MFHAS1: variants seen among roughly 807,000 people sequenced by gnomAD.
MFHAS1 encodes malignant fibrous histiocytoma-amplified sequence 1.
MFHAS1 carries 50 observed loss-of-function variants against 70.4 expected under a neutral mutation model. The ratio of observed to expected loss-of-function variants is 0.71; its 90% CI spans 0.57 to 0.90. The LOEUF is 0.90. MFHAS1 is among the 40% of genes least tolerant of loss of function. The pLI, the probability that MFHAS1 is intolerant of heterozygous loss-of-function variation, is 0.00. For missense variants in MFHAS1, 1,795 were observed against 1,347.6 expected, an observed-to-expected ratio of 1.33 and a Z score of -5.20; for synonymous variants, 952 against 620.0, an observed-to-expected ratio of 1.54 and a Z score of -7.96.
At chr8:8,843,185 C>T (rs1350282434) in intron 1 of MFHAS1, among the ~76,000 whole-genome samples, 3 of 151,496 alleles carry the variant, frequency 2.0e-5, no homozygotes, top group Admixed American at 6.6e-5. Flanking sequence ...AGGAGAATGG[C>T]GTGAACCCCG....
rs1304986525 is a variant in MFHAS1, at chr8:8,891,545, G to A, written c.1514C>T (p.Ala505Val). The A allele has an allele frequency of 9.9e-6, 16 of 1,612,994 alleles. No homozygotes were observed. Among genetic ancestry groups the A allele is most frequent in the Middle Eastern group, 1.6e-4 (1 of 6,084 alleles). ...AGGAAAGTGGCGAGGCTCATAGGTG[G>A]CCAAGTTGACCACCAGCACGTATAG... is the stretch of plus-strand genomic sequence containing the variant. ...GALYVLVVNL[A>V]TYEPRHFPTT... Residue 505 changes from alanine to valine, a missense_variant, in exon 1 of 3, where the codon GCC becomes GTC. Transcript: ENST00000276282. This position sits in a 1 kb window ranked among gnomAD's most constrained non-coding sequence, Gnocchi z 5.4.
intron 1 of MFHAS1, among the ~76,000 whole-genome samples, chr8:8,844,981 A>C (rs1317957824): frequency 6.6e-6 from 1 of 152,248 alleles, no homozygotes; most frequent in Non-Finnish European, 1.5e-5. Context: ...CAAAAGAAGA[A>C]GAAGAAGAAA....
At position 8,890,623 on chromosome 8, in the gene MFHAS1, C is replaced by A. The variant is rs763634320; in HGVS notation, c.2436G>T (p.Gln812His). ...VIRLLLKPHV[Q>H]AQQDLQLLLE... is the part of the protein sequence containing the mutation. ...GCAACAGCTGCAAGTCCTGCTGGGC[C>A]TGGACATGAGGCTTAAGCAGCAACC... The change falls in exon 1 of 3, where the codon CAG becomes CAT. Residue 812 changes from glutamine to histidine, a missense_variant. Transcript: ENST00000276282. The A allele has an allele frequency of 1.2e-6, 2 of 1,613,858 alleles. No individual in the cohort carries two copies. Among genetic ancestry groups the A allele is most frequent in the Non-Finnish European group, 1.7e-6 (2 of 1,180,016 alleles).
rs751219624 is a variant in MFHAS1, at chr8:8,797,368, G to C, written c.3122C>G (p.Ser1041Cys). ...PPTPTVISPCSKKNVGEKHRN... is the reference protein window; with the variant it reads ...PPTPTVISPCCKKNVGEKHRN... ...CAGAGGGACTTTGAGAACTCACTTG[G>C]AACAGGGGCTGATCACAGTCGGCGT... The change falls in exon 2 of 3, where the codon TCC becomes TGC. Residue 1041 changes from serine (S) to cysteine (C), a missense_variant. Transcript: ENST00000276282. The C allele has an allele frequency of 2.6e-5, 42 of 1,613,874 alleles. No homozygotes were observed. Among genetic ancestry groups the C allele is most frequent in the Non-Finnish European group, 3.5e-5 (41 of 1,179,950 alleles).
At chr8:8,843,194 C>G (rs939484232) in intron 1 of MFHAS1, among the ~76,000 whole-genome samples, 4 of 150,756 alleles carry the variant, frequency 2.7e-5, no homozygotes, top group African/African-American at 9.8e-5. Context: ...GCGTGAACCC[C>G]GGAAGCGGAG....
Position 8,875,000 on chromosome 8 carries a change from G to A in MFHAS1, c.2998+15061C>T, listed in dbSNP as rs1809235217. Among the ~76,000 whole-genome samples, 3 of 151,440 alleles carry A rather than the reference G, an allele frequency of 2.0e-5. No individual in the cohort carries two copies. In the South Asian group the frequency reaches 6.3e-4, roughly 32 times the overall value. ...ACACAATTAGGCAACATTTATACAA[G>A]AAAACGTTCACATCCACTAGTTAAA... On this transcript the variant is annotated intron_variant, in intron 1 of 2. Transcript: ENST00000276282.
Position 8,890,834 on chromosome 8 carries a change from T to C in MFHAS1, c.2225A>G (p.Gln742Arg), listed in dbSNP as rs139308568. 7 of 1,614,072 alleles carry C rather than the reference T, an allele frequency of 4.3e-6. No individual in the cohort carries two copies. Among genetic ancestry groups the C allele is most frequent in the African/African-American group, 2.7e-5 (2 of 74,930 alleles). The change falls in exon 1 of 3, where the codon CAG becomes CGG. Residue 742 changes from glutamine to arginine, a missense_variant. Physicochemically the swap from Gln to Arg is conservative, Grantham distance 43 (BLOSUM62 1). Coordinates refer to ENST00000276282, the MANE Select transcript of MFHAS1 (RefSeq NM_004225.3). ...RLIDILNVFFQRDPSLLLHKL... is the reference protein window; with the variant it reads ...RLIDILNVFFRRDPSLLLHKL... ...ATGCAGCAGCAAAGAGGGATCCCTC[T>C]GGAAGAAGACATTGAGGATGTCGAT...
intron 1 of MFHAS1, among the ~76,000 whole-genome samples, chr8:8,859,738 C>T (rs1187040072): frequency 2.6e-5 from 4 of 152,120 alleles, no homozygotes; most frequent in African/African-American, 9.7e-5. Flanking sequence ...CTATAATGTA[C>T]AAAATATGTG....
rs1235601270 is a variant in MFHAS1, at chr8:8,893,075, G to T, written c.-17C>A. On this transcript the variant is annotated 5_prime_UTR_variant, in exon 1 of 3. Transcript: ENST00000276282. ...CCCAGCCATGGCGGGGCCCCGGGCC[G>T]ACAGCCTCACGCGGACGCGGGAGCC... The T allele has an allele frequency of 5.5e-6, 8 of 1,465,220 alleles. No homozygotes were observed. In the Admixed American group the frequency reaches 7.8e-5, roughly 14 times the overall value. The allele number at this position is 1,465,220 out of a possible 1,614,324, so 90.8% of individuals were successfully genotyped here.
intron 1 of MFHAS1, among the ~76,000 whole-genome samples, chr8:8,804,080 C>A (rs1443317420): frequency 6.6e-6 from 1 of 152,180 alleles, no homozygotes; most frequent in Non-Finnish European, 1.5e-5. Flanking sequence ...GACTTTGGTA[C>A]CCATGGGGGT....
Position 8,892,161 on chromosome 8 carries a change from C to G in MFHAS1, c.898G>C (p.Glu300Gln), listed in dbSNP as rs1431684467. The G allele has an allele frequency of 3.1e-6, 5 of 1,610,986 alleles. No homozygotes were observed. The highest frequency in any genetic ancestry group is 3.4e-6 in the Non-Finnish European group (4 of 1,179,992). ...AGCTGGTTGCGACTAAGGTAGAGCT[C>G]CTCCAGACCAGCCAGGGGCAGCAGC... The part of the protein sequence containing the change: ...AALLPLAGLE[E>Q]LYLSRNQLTS... Residue 300 changes from glutamate (E) to glutamine (Q), a missense_variant, in exon 1 of 3, where the codon GAG becomes CAG. Glu to Gln is a conservative substitution (Grantham distance 29). Coordinates refer to ENST00000276282, the MANE Select transcript of MFHAS1 (RefSeq NM_004225.3). The surrounding 1 kb of genome is among the most constrained non-coding windows in gnomAD (Gnocchi z 4.7).
chr8:8,879,353 A>G (rs959558550), intron 1 of MFHAS1, among the ~76,000 whole-genome samples: 8 of 151,088 alleles, frequency 5.3e-5, no homozygotes, highest in African/African-American at 1.7e-4. Flanking sequence ...TCCCATCTCA[A>G]AAAAAAAAGG....
chr8:8,786,199 T>A, intron 2 of MFHAS1, 144 bp from the exon 3 acceptor site: 1 of 766,280 alleles, frequency 1.3e-6, no homozygotes, highest in Non-Finnish European at 2.2e-6. Flanking sequence ...TATAAACATG[T>A]AAATGTCAGG....
intron 1 of MFHAS1, among the ~76,000 whole-genome samples, chr8:8,819,955 C>T (rs950293091): frequency 6.6e-6 from 1 of 152,160 alleles, no homozygotes; most frequent in Non-Finnish European, 1.5e-5. Flanking sequence ...GCCTCGGCCT[C>T]CCAAAGTGTT....
chr8:8,877,783 C>G (rs1209137166), intron 1 of MFHAS1, among the ~76,000 whole-genome samples: 1 of 152,208 alleles, frequency 6.6e-6, no homozygotes, highest in African/African-American at 2.4e-5. Context: ...GACAAAGGGA[C>G]AGGCTAGAAC....
At chr8:8,858,541 A>T (rs941859745) in intron 1 of MFHAS1, among the ~76,000 whole-genome samples, 3 of 152,184 alleles carry the variant, frequency 2.0e-5, no homozygotes, top group Non-Finnish European at 4.4e-5. Flanking sequence ...CAATGCTATA[A>T]TTACAACTAT....
At chr8:8,845,147 G>A (rs977138626) in intron 1 of MFHAS1, among the ~76,000 whole-genome samples, 3 of 152,138 alleles carry the variant, frequency 2.0e-5, no homozygotes, top group African/African-American at 7.2e-5. Context: ...TATGCAAAGA[G>A]GATAAAATCA....
At chr8:8,873,729 G>A (rs905879157) in intron 1 of MFHAS1, among the ~76,000 whole-genome samples, 1 of 152,244 alleles carries the variant, frequency 6.6e-6, no homozygotes, top group South Asian at 2.1e-4. Flanking sequence ...ACGCAGCGCG[G>A]GAAGATTTTT....
At chr8:8,889,314 T>A (rs748208827) in intron 1 of MFHAS1, among the ~76,000 whole-genome samples, 2 of 152,172 alleles carry the variant, frequency 1.3e-5, no homozygotes, top group Admixed American at 6.5e-5. Flanking sequence ...ATCTTCCATG[T>A]CCCTGAGTGG....
Sources: allele counts gnomAD v4.1 joint callset (sites outside exome capture counted in the v4.1 genomes callset), GRCh38; gene constraint gnomAD v4.1.1; non-coding constraint Gnocchi (gnomAD v3.1); transcripts MANE v1.5; gene names NCBI Gene and HGNC (gene_info 2026-07-23, HGNC 2026-07-21).